CASS4: variants seen among roughly 807,000 people sequenced by gnomAD.
CASS4 encodes the protein cas scaffolding protein family member 4.
A neutral mutation model predicts 54.2 loss-of-function variants in CASS4; 22 were observed. The ratio of observed to expected loss-of-function variants is 0.41; its 90% CI spans 0.29 to 0.58. CASS4 has a LOEUF of 0.58. Ranked by LOEUF, CASS4 falls within the 20% of genes least tolerant of loss-of-function variation. CASS4 has a pLI of 0.36. For missense variants in CASS4, 854 were observed against 986.7 expected (o/e 0.87, Z 1.80); for synonymous variants, 409 against 391.5 (o/e 1.04, Z -0.53).
At position 56,452,965 on chromosome 20, in the gene CASS4, A is replaced by T; in HGVS notation, c.1789A>T (p.Thr597Ser). Reference sequence around the variant, plus strand: ...TAAGCGGAACTGTGAAAAGGAAGAGACTGTGCAGTTGACCCCAAATGCAGA... The same window carrying T: ...TAAGCGGAACTGTGAAAAGGAAGAGTCTGTGCAGTTGACCCCAAATGCAGA... ...LFKRNCEKEE[T>S]VQLTPNAEFK... Residue 597 changes from threonine to serine, a missense_variant, in exon 5 of 6, where the codon ACT becomes TCT. Coordinates refer to ENST00000679887, the MANE Select transcript of CASS4 (RefSeq NM_020356.4). 1 of 1,614,092 alleles carries T rather than the reference A, an allele frequency of 6.2e-7. No individual in the cohort carries two copies. Among genetic ancestry groups the T allele is most frequent in the African/African-American group, 1.3e-5 (1 of 75,022 alleles).
intron 1 of CASS4, among the ~76,000 whole-genome samples, chr20:56,422,844 A>C (rs1044617140): frequency 6.6e-6 from 1 of 152,212 alleles, no homozygotes; most frequent in African/African-American, 2.4e-5. Context: ...TCTTTTCATT[A>C]AAGTTTTTCT....
At position 56,452,447 on chromosome 20, in the gene CASS4, C is replaced by G. The variant is rs375619279; in HGVS notation, c.1271C>G (p.Ser424Cys). ...STTSTDDSSS[S>C]SSEESAKELS... ...ACATCCACCGACGACTCCTCCAGCT[C>G]TTCCTCGGAGGAGTCAGCAAAGGAG... is the stretch of plus-strand genomic sequence containing the variant. The change falls in exon 5 of 6, where the codon TCT (serine) becomes TGT (cysteine). Residue 424 changes from serine to cysteine, a missense_variant. Physicochemically the swap from Ser to Cys is moderately radical, Grantham distance 112 (BLOSUM62 -1). Transcript: ENST00000679887. 2 of 1,613,840 alleles carry G rather than the reference C, an allele frequency of 1.2e-6. No individual in the cohort carries two copies. Among genetic ancestry groups the G allele is most frequent in the African/African-American group, 1.3e-5 (1 of 74,920 alleles).
rs1049775574 is a variant in CASS4, at chr20:56,414,701, A to C, written c.36+2207A>C. 1.3e-5 allele frequency among the ~76,000 whole-genome samples: 2 copies of C among 152,186 alleles called. No homozygotes were observed. Among genetic ancestry groups the C allele is most frequent in the African/African-American group, 4.8e-5 (2 of 41,438 alleles). ...AGCGGTGGCTCATGCCTGTAATCCC[A>C]CCACTTTCAGAGGCTGAAGCGTGTG... On this transcript the variant is annotated intron_variant, in intron 1 of 5. Coordinates refer to ENST00000679887, the MANE Select transcript of CASS4 (RefSeq NM_020356.4). This position sits in a 1 kb window ranked among gnomAD's most constrained non-coding sequence, Gnocchi z 4.1.
At chr20:56,439,840 G>C (rs1454914785) in intron 2 of CASS4, among the ~76,000 whole-genome samples, 3 of 152,198 alleles carry the variant, frequency 2.0e-5, no homozygotes, top group African/African-American at 7.2e-5. Context: ...GTCACTGCAG[G>C]CATTTCCTGC....
At chr20:56,457,182 C>G in intron 5 of CASS4, among the ~76,000 whole-genome samples, 1 of 152,190 alleles carries the variant, frequency 6.6e-6, no homozygotes, top group East Asian at 1.9e-4. Flanking sequence ...AGACATAACC[C>G]CCTTCTGAAA....
At chr20:56,427,348 T>G (rs1025924767) in intron 1 of CASS4, among the ~76,000 whole-genome samples, 2 of 152,086 alleles carry the variant, frequency 1.3e-5, no homozygotes, top group Non-Finnish European at 2.9e-5. Context: ...GGGAAAAATG[T>G]AGGTGGTGAG....
At chr20:56,416,651 T>C (rs1407116234) in intron 1 of CASS4, among the ~76,000 whole-genome samples, 5 of 152,156 alleles carry the variant, frequency 3.3e-5, no homozygotes, top group Non-Finnish European at 7.3e-5. Context: ...CTGGAGTAAA[T>C]GTCCAGGAAT....
intron 2 of CASS4, among the ~76,000 whole-genome samples, chr20:56,445,000 C>T (rs1980637469): frequency 1.3e-5 from 2 of 152,114 alleles, no homozygotes; most frequent in Admixed American, 1.3e-4. Flanking sequence ...GTCCCAGCTA[C>T]TCAGGAGGCT....
At chr20:56,425,816 A>T (rs1218149767) in intron 1 of CASS4, among the ~76,000 whole-genome samples, 1 of 152,180 alleles carries the variant, frequency 6.6e-6, no homozygotes, top group African/African-American at 2.4e-5. Context: ...CCAAACCTCT[A>T]ACTCCCCAGA....
At chr20:56,416,138 C>T (rs958814799) in intron 1 of CASS4, among the ~76,000 whole-genome samples, 1 of 152,202 alleles carries the variant, frequency 6.6e-6, no homozygotes, top group African/African-American at 2.4e-5. Context: ...CAACCTCCAC[C>T]TCCCAGGTTA....
At position 56,430,174 on chromosome 20, in the gene CASS4, A is replaced by G. The variant is rs1309863052; in HGVS notation, c.37-6990A>G. Among the ~76,000 whole-genome samples, 2 of 152,234 alleles carry G rather than the reference A, an allele frequency of 1.3e-5. No homozygotes were observed. Among genetic ancestry groups the G allele is most frequent in the African/African-American group, 4.8e-5 (2 of 41,466 alleles). On this transcript the variant is annotated intron_variant, in intron 1 of 5. Coordinates refer to ENST00000679887, the MANE Select transcript of CASS4 (RefSeq NM_020356.4). The surrounding 1 kb of genome is among the most constrained non-coding windows in gnomAD (Gnocchi z 4.2). ...ACTGTATCCTTGGCTGCTCGGGTTT[A>G]GATGAGCACATTGCACCTGCCAGCT... is the stretch of plus-strand genomic sequence containing the variant.
intron 1 of CASS4, among the ~76,000 whole-genome samples, chr20:56,419,365 G>A (rs980027510): frequency 3.9e-5 from 6 of 152,120 alleles, no homozygotes; most frequent in African/African-American, 9.7e-5. Context: ...AAGCATAGTC[G>A]ACACTGAGAA....
chr20:56,440,862 A>T (rs542549139), intron 2 of CASS4, among the ~76,000 whole-genome samples: 153 of 152,280 alleles, frequency 1.0e-3, no homozygotes, highest in African/African-American at 3.5e-3. Flanking sequence ...TGAGGTGGCC[A>T]CAGTAAAACC....
rs577395858 is a variant in CASS4 at position 56,458,819 on chromosome 20, A to G, written c.*72A>G. 7.7e-6 allele frequency: 11 copies of G among 1,424,176 alleles called. No individual in the cohort carries two copies. The highest frequency in any genetic ancestry group is 1.0e-5 in the Non-Finnish European group (11 of 1,063,934). 88.2% of individuals were successfully genotyped at this position (1,424,176 alleles called of 1,614,324 possible). A position where few individuals can be genotyped will look rare whatever the true frequency, so the allele number is the denominator to read the frequency against. ...CCCACAACTTGTGCAACTCTGCCCT[A>G]TGGGAAAAGCCAGCCGGGGCATACA... On this transcript the variant is annotated 3_prime_UTR_variant, in exon 6 of 6. Transcript: ENST00000679887.
At chr20:56,413,672 CAAAAAAAAAAA>C (rs35217347) in intron 1 of CASS4, among the ~76,000 whole-genome samples, 7 of 28,304 alleles carry the variant, frequency 2.5e-4, no homozygotes, top group South Asian at 2.6e-3. Context: ...GACTCTGTCT[CAAAAAAAAAAA>C]AAAAAAAAAA....
chr20:56,416,767 T>C (rs1031459318), intron 1 of CASS4, among the ~76,000 whole-genome samples: 1 of 152,218 alleles, frequency 6.6e-6, no homozygotes, highest in African/African-American at 2.4e-5. Context: ...TCCCCAGTAT[T>C]TTCTCTACAA....
chr20:56,431,525 G>A (rs1211514428), intron 1 of CASS4, among the ~76,000 whole-genome samples: 1 of 152,206 alleles, frequency 6.6e-6, no homozygotes, highest in Non-Finnish European at 1.5e-5. Flanking sequence ...ATCCTTTGAA[G>A]ATGTGGTCTG....
chr20:56,439,259 C>T (rs1478349853), intron 2 of CASS4, among the ~76,000 whole-genome samples: 1 of 152,018 alleles, frequency 6.6e-6, no homozygotes, highest in Non-Finnish European at 1.5e-5. Context: ...GCCTCAAACT[C>T]ATGGCCTCCA....
chr20:56,459,614 A>G lies in CASS4; in HGVS notation c.*867A>G, dbSNP rs369992632. The G allele has an allele frequency of 3.1e-4, 54 of 175,888 alleles. No homozygotes were observed. The highest frequency in any genetic ancestry group is 4.2e-4 in the Admixed American group (7 of 16,756). 10.9% of individuals were successfully genotyped at this position (175,888 alleles called of 1,614,324 possible). On this transcript the variant is annotated 3_prime_UTR_variant, in exon 6 of 6. Transcript: ENST00000679887. Reference sequence around the variant, plus strand: ...GAAGCAGAGTCAAGCACACACCACAATGGCAGAGAAAGGAAGAGCTAATTT... The same window carrying G: ...GAAGCAGAGTCAAGCACACACCACAGTGGCAGAGAAAGGAAGAGCTAATTT...
Sources: gnomAD v4.1 joint callset for allele counts (sites outside exome capture counted in the v4.1 genomes callset) on GRCh38, gnomAD v4.1.1 for gene constraint, Gnocchi (gnomAD v3.1) non-coding constraint, MANE v1.5 for transcripts, NCBI Gene and HGNC (gene_info 2026-07-23, HGNC 2026-07-21) for gene names.